MAD1L1: variants seen among roughly 807,000 people sequenced by gnomAD.
MAD1L1 encodes mitotic spindle assembly checkpoint protein MAD1.
A neutral mutation model predicts 96.9 loss-of-function variants in MAD1L1; 95 were observed. That is an observed-to-expected ratio of 0.98 (90% confidence interval 0.83 to 1.16). The LOEUF (loss-of-function observed/expected upper bound fraction) is 1.16, where lower values mean the gene tolerates loss of function less well. MAD1L1 is among the 50% of genes most tolerant of loss of function. The pLI, the probability that MAD1L1 is intolerant of heterozygous loss-of-function variation, is 0.00. For synonymous variants in MAD1L1, 473 were observed against 396.6 expected, an observed-to-expected ratio of 1.19 and a Z score of -2.29; for missense variants, 1,007 against 954.4, an observed-to-expected ratio of 1.06 and a Z score of -0.73.
At chr7:2,128,273 A>G (rs1788334360) in intron 11 of MAD1L1, among the ~76,000 whole-genome samples, 1 of 152,310 alleles carries the variant, frequency 6.6e-6, no homozygotes, top group African/African-American at 2.4e-5. Context: ...TCAGCAGCTC[A>G]GCCACCTCTC....
intron 16 of MAD1L1, among the ~76,000 whole-genome samples, chr7:1,944,553 G>A (rs553895653): frequency 1.3e-4 from 20 of 152,282 alleles, no homozygotes; most frequent in Admixed American, 6.5e-4. Context: ...GCTGCCTGGA[G>A]GGAGCTCCAG....
intron 10 of MAD1L1, among the ~76,000 whole-genome samples, chr7:2,165,759 C>T (rs1289303883): frequency 6.6e-6 from 1 of 152,130 alleles, no homozygotes; most frequent in African/African-American, 2.4e-5. Context: ...GAAAGACTGA[C>T]GGGCAAGGTG....
At chr7:2,023,894 A>C (rs1039186091) in intron 12 of MAD1L1, among the ~76,000 whole-genome samples, 5 of 152,168 alleles carry the variant, frequency 3.3e-5, no homozygotes, top group Non-Finnish European at 5.9e-5. Context: ...AGTTGCAGTG[A>C]GCCGAGATCA....
chr7:2,183,040 T>C (rs1353698804), intron 10 of MAD1L1, among the ~76,000 whole-genome samples: 3 of 151,836 alleles, frequency 2.0e-5, no homozygotes, highest in African/African-American at 4.8e-5. Flanking sequence ...CTGGACAACA[T>C]AGTGAGACCC....
At chr7:1,907,869 G>A (rs1034076754) in intron 17 of MAD1L1, among the ~76,000 whole-genome samples, 3 of 152,204 alleles carry the variant, frequency 2.0e-5, no homozygotes, top group Non-Finnish European at 4.4e-5. Context: ...GGGGCAGTGC[G>A]GTCTGGGCCG....
In MAD1L1 at chr7:1,980,870, G is replaced by A. The variant is rs377066031; in HGVS notation, c.1417-329C>T. The A allele has an allele frequency of 9.4e-4, 405 of 430,238 alleles. 11 individuals are homozygous for A. The highest frequency in any genetic ancestry group is 7.6e-3 in the South Asian group (395 of 51,946). The allele number at this position is 430,238 out of a possible 1,614,324, so 26.7% of individuals were successfully genotyped here. A position where few individuals can be genotyped will look rare whatever the true frequency, so the allele number is the denominator to read the frequency against. ...GAGAGCACGCTCCAACGCTGCCGTC[G>A]GTTTGGTTTAACAGCCACAAGCCGT... is the stretch of plus-strand genomic sequence containing the variant. On this transcript the variant is annotated intron_variant, in intron 14 of 18. Transcript: ENST00000265854.
chr7:2,051,628 C>T (rs1033810641), intron 12 of MAD1L1, among the ~76,000 whole-genome samples: 1 of 140,076 alleles, frequency 7.1e-6, no homozygotes, highest in Non-Finnish European at 1.5e-5. Flanking sequence ...ACCTTGCTGT[C>T]CCCCACCTCC....
intron 12 of MAD1L1, among the ~76,000 whole-genome samples, chr7:2,065,557 C>T (rs1414765544): frequency 2.0e-5 from 3 of 152,136 alleles, no homozygotes. Flanking sequence ...AGGAGGTGGC[C>T]GAGGAACGTG....
At chr7:2,090,664 T>C (rs893209808) in intron 11 of MAD1L1, among the ~76,000 whole-genome samples, 9 of 152,238 alleles carry the variant, frequency 5.9e-5, no homozygotes, top group African/African-American at 2.2e-4. Flanking sequence ...TGAGCAGGAC[T>C]GGCCCAGGCA....
At chr7:1,852,640 T>C (rs910340875) in intron 18 of MAD1L1, among the ~76,000 whole-genome samples, 6 of 152,028 alleles carry the variant, frequency 3.9e-5, no homozygotes, top group African/African-American at 1.4e-4. Context: ...CAAAGAGACT[T>C]TGGAAGGAAA....
At chr7:2,060,461 G>A (rs1026817973) in intron 12 of MAD1L1, among the ~76,000 whole-genome samples, 4 of 152,088 alleles carry the variant, frequency 2.6e-5, no homozygotes, top group Non-Finnish European at 4.4e-5. Flanking sequence ...CCGAGATAAC[G>A]CTGATGTCGA....
chr7:2,143,006 A>C (rs1415467802), intron 11 of MAD1L1, among the ~76,000 whole-genome samples: 1 of 151,738 alleles, frequency 6.6e-6, no homozygotes, highest in Non-Finnish European at 1.5e-5. Context: ...TGGAAAACTT[A>C]CCCCTGCCAT....
chr7:1,937,643 G>T (rs1193488795), intron 16 of MAD1L1, among the ~76,000 whole-genome samples: 1 of 150,534 alleles, frequency 6.6e-6, no homozygotes, highest in African/African-American at 2.4e-5. Context: ...GGAGGTGCAG[G>T]GTCACTGCGC....
intron 18 of MAD1L1, among the ~76,000 whole-genome samples, chr7:1,869,498 TC>T: frequency 6.6e-6 from 1 of 151,568 alleles, no homozygotes; most frequent in Admixed American, 6.6e-5. Context: ...GCAGGTGACC[TC>T]CCCAGGGCCC....
chr7:2,081,552 G>A (rs903156116), intron 11 of MAD1L1, among the ~76,000 whole-genome samples: 2 of 152,200 alleles, frequency 1.3e-5, no homozygotes, highest in Non-Finnish European at 2.9e-5. Flanking sequence ...CACACAGGAG[G>A]CGGGGGGCGC....
chr7:1,931,984 G>A (rs1399425333), intron 17 of MAD1L1, among the ~76,000 whole-genome samples: 2 of 152,198 alleles, frequency 1.3e-5, no homozygotes, highest in Non-Finnish European at 1.5e-5. Context: ...AGGGAAGGAG[G>A]AGGCTGCCAA....
rs576633774 is a variant in MAD1L1 at position 2,146,572 on chromosome 7, G to A, written c.1073+2580C>T. Among the ~76,000 whole-genome samples the A allele has an allele frequency of 6.6e-6, 1 of 152,342 alleles. No homozygotes were observed. Among genetic ancestry groups the A allele is most frequent in the East Asian group, 1.9e-4 (1 of 5,184 alleles). Reference sequence around the variant, plus strand: ...CGTGCCCGCTGGTCCGCACAGACGAGGGAAAATGCCCAGCAGCTGCTCTCA... The same window carrying A: ...CGTGCCCGCTGGTCCGCACAGACGAAGGAAAATGCCCAGCAGCTGCTCTCA... On this transcript the variant is annotated intron_variant, in intron 11 of 18. Transcript: ENST00000265854. This position sits in a 1 kb window ranked among gnomAD's most constrained non-coding sequence, Gnocchi z 6.2.
intron 15 of MAD1L1, among the ~76,000 whole-genome samples, chr7:1,963,402 C>A (rs1209299412): frequency 6.6e-6 from 1 of 152,076 alleles, no homozygotes; most frequent in Non-Finnish European, 1.5e-5. Context: ...ATGGAAAGCA[C>A]GTCGGCGGGT....
chr7:2,116,614 C>T (rs1027814115), intron 11 of MAD1L1, among the ~76,000 whole-genome samples: 1 of 131,962 alleles, frequency 7.6e-6, no homozygotes, highest in African/African-American at 2.9e-5. Context: ...CAGGAGGTGG[C>T]GGTCAGCGGA....
Sources: allele counts gnomAD v4.1 joint callset (sites outside exome capture counted in the v4.1 genomes callset), GRCh38; gene constraint gnomAD v4.1.1; non-coding constraint Gnocchi (gnomAD v3.1); transcripts MANE v1.5; gene names NCBI Gene and HGNC (gene_info 2026-07-23, HGNC 2026-07-21).